Variants in RIC1 observed in about 807,000 individuals in gnomAD.
The protein encoded by RIC1 is guanine nucleotide exchange factor subunit RIC1.
In RIC1, 88 loss-of-function variants were observed where a neutral mutation model predicts 169.0. That is an observed-to-expected ratio of 0.52 (90% confidence interval 0.44 to 0.62). The LOEUF is 0.62. RIC1 is among the 20% of genes least tolerant of loss of function. The probability of loss-of-function intolerance (pLI) is 0.00; values close to 1 mark genes in which losing one functional copy is unlikely to be tolerated. For synonymous variants in RIC1, 790 were observed against 601.5 expected, an observed-to-expected ratio of 1.31 and a Z score of -4.59; for missense variants, 1,877 against 1,725.5, an observed-to-expected ratio of 1.09 and a Z score of -1.56.
chr9:5,729,631 T>C (rs529442608), intron 6 of RIC1, among the ~76,000 whole-genome samples: 2 of 152,330 alleles, frequency 1.3e-5, no homozygotes, highest in South Asian at 4.1e-4. Context: ...TAAATATTTA[T>C]ATTCAGTCAT....
At position 5,753,572 on chromosome 9, in the gene RIC1, G is replaced by C; in HGVS notation, c.1528G>C (p.Val510Leu). 1.9e-6 allele frequency: 3 copies of C among 1,610,718 alleles called. No homozygotes were observed. Among genetic ancestry groups the C allele is most frequent in the Non-Finnish European group, 2.5e-6 (3 of 1,178,782 alleles). Residue 510 changes from valine (V) to leucine (L), a missense_variant, in exon 14 of 26, where the codon GTG becomes CTG. By Grantham distance (32) the Val-to-Leu change is conservative. Around this residue, in one of 3 missense-constraint regions of RIC1, gnomAD observed 1,104 missense variants for 992.0 expected, o/e 1.11. Coordinates refer to ENST00000414202, the MANE Select transcript of RIC1 (RefSeq NM_020829.4). ...AIDKLGQNIA[V>L]VGKFGFAHYS... The stretch of plus-strand genomic sequence containing the variant: ...TGATAAGCTTGGACAGAATATTGCT[G>C]TGGTTGGCAAGTTTGGTTTTGCACA...
chr9:5,629,513 AC>A, intron 1 of RIC1, 60 bp downstream of exon 1: 3 of 1,478,142 alleles, frequency 2.0e-6, no homozygotes, highest in South Asian at 2.6e-5. Flanking sequence ...GCGCCGTCCC[AC>A]CCCCAACTTC....
At chr9:5,705,276 G>T (rs377503084) in intron 3 of RIC1, among the ~76,000 whole-genome samples, 2 of 145,574 alleles carry the variant, frequency 1.4e-5, no homozygotes, top group Non-Finnish European at 3.0e-5. Context: ...AAGTATTATC[G>T]TAACAATATT....
intron 8 of RIC1, among the ~76,000 whole-genome samples, chr9:5,742,460 G>GT (rs1018282443): frequency 1.3e-5 from 2 of 151,886 alleles, no homozygotes; most frequent in African/African-American, 2.4e-5. Context: ...TGCTCCTTAC[G>GT]TTTTTTTAAT....
At chr9:5,732,035 C>T (rs1442613375) in intron 6 of RIC1, among the ~76,000 whole-genome samples, 2 of 152,198 alleles carry the variant, frequency 1.3e-5, no homozygotes, top group Admixed American at 1.3e-4. Flanking sequence ...TTACAGTGAG[C>T]AAGTTAGATG....
chr9:5,654,091 C>T (rs1408258985), intron 1 of RIC1, among the ~76,000 whole-genome samples: 1 of 152,098 alleles, frequency 6.6e-6, no homozygotes, highest in Non-Finnish European at 1.5e-5. Context: ...CCTCTGCCTC[C>T]CAGGCTCGAG....
At chr9:5,758,785 G>T (rs749303447) in intron 17 of RIC1, among the ~76,000 whole-genome samples, 2 of 122,380 alleles carry the variant, frequency 1.6e-5, no homozygotes, top group African/African-American at 6.5e-5. Flanking sequence ...TCACTCTATC[G>T]CCAGGCTGGA....
intron 1 of RIC1, among the ~76,000 whole-genome samples, chr9:5,636,858 T>C (rs1310197703): frequency 6.6e-6 from 1 of 152,218 alleles, no homozygotes; most frequent in Non-Finnish European, 1.5e-5. Context: ...TTTCTCCAGC[T>C]AGATTATAAG....
chr9:5,642,576 C>G lies in RIC1; in HGVS notation c.144+13123C>G, dbSNP rs768543901. 2.1e-5 allele frequency among the ~76,000 whole-genome samples: 3 copies of G among 144,698 alleles called. 1 individual carries two copies. The highest frequency in any genetic ancestry group is 4.5e-5 in the Non-Finnish European group (3 of 67,292). 94.9% of individuals were successfully genotyped at this position (144,698 alleles called of 152,430 possible). On this transcript the variant is annotated intron_variant, in intron 1 of 25. Transcript: ENST00000414202. ...TTAGCAATTTGTTTGATATTCTGTT[C>G]TGTTGTGGCTAAGCAGGCACTCAAA...
rs569646042 is a variant in RIC1, at chr9:5,670,672, T to C, written c.252+13982T>C. Among the ~76,000 whole-genome samples the C allele has an allele frequency of 2.3e-3, 355 of 152,360 alleles. 1 individual carries two copies. Among genetic ancestry groups the C allele is most frequent in the Middle Eastern group, 6.8e-3 (2 of 294 alleles). ...GCCCAGATATATCCATTAAAACTAT[T>C]GTAACTGCCCAACAGTTTCGTTTTG... On this transcript the variant is annotated intron_variant, in intron 2 of 25. Coordinates refer to ENST00000414202, the MANE Select transcript of RIC1 (RefSeq NM_020829.4).
chr9:5,707,174 T>C (rs1259567178), intron 3 of RIC1, among the ~76,000 whole-genome samples: 1 of 152,156 alleles, frequency 6.6e-6, no homozygotes, highest in Non-Finnish European at 1.5e-5. Flanking sequence ...ATTTTGAATT[T>C]CCACATATTT....
At chr9:5,636,963 A>C (rs1818000509) in intron 1 of RIC1, among the ~76,000 whole-genome samples, 1 of 152,200 alleles carries the variant, frequency 6.6e-6, no homozygotes, top group Admixed American at 6.5e-5. Context: ...AATGAATTTA[A>C]GGTATTTGTC....
At chr9:5,667,742 C>T (rs933034637) in intron 2 of RIC1, among the ~76,000 whole-genome samples, 5 of 152,022 alleles carry the variant, frequency 3.3e-5, no homozygotes, top group South Asian at 4.2e-4. Context: ...TAGGCTCAAG[C>T]GATCATCCTG....
rs556135070 is a variant in RIC1, at chr9:5,748,758, G to T, written c.1452+1253G>T. 108 of 152,664 alleles carry T rather than the reference G, an allele frequency of 7.1e-4. 2 individuals are homozygous for T. Among genetic ancestry groups the T allele is most frequent in the African/African-American group, 2.4e-3 (100 of 41,544 alleles). The allele number at this position is 152,664 out of a possible 1,614,324, so 9.5% of individuals were successfully genotyped here. A position where few individuals can be genotyped will look rare whatever the true frequency, so the allele number is the denominator to read the frequency against. ...AATCGATCAGGCAATAACAAAAATT[G>T]AATTTCCTTCCAGCTCAAAAACTCA... On this transcript the variant is annotated intron_variant, in intron 12 of 25. Coordinates refer to ENST00000414202, the MANE Select transcript of RIC1 (RefSeq NM_020829.4).
intron 4 of RIC1, 57 bp downstream of exon 4, chr9:5,714,060 T>C: frequency 9.1e-7 from 1 of 1,100,510 alleles, no homozygotes. Flanking sequence ...ATGTAGTTCG[T>C]AAATCCCATG....
At position 5,722,337 on chromosome 9, in the gene RIC1, A is replaced by AAGAGAG. The variant is rs147623001; in HGVS notation, c.720+1594_720+1599dup. On this transcript the variant is annotated intron_variant, in intron 6 of 25. Transcript: ENST00000414202. ...GAAGGAATGAGCTTGCAAAAACTAT[A>AAGAGAG]AGAGAGAGAGAGTGTGTGTGTGTGT... is the stretch of plus-strand genomic sequence containing the variant. Among the ~76,000 whole-genome samples the AAGAGAG allele has an allele frequency of 2.5e-3, 287 of 115,388 alleles. 1 individual carries two copies. Among genetic ancestry groups the AAGAGAG allele is most frequent in the Admixed American group, 4.0e-3 (46 of 11,538 alleles). 75.7% of individuals were successfully genotyped at this position (115,388 alleles called of 152,430 possible). A position where few individuals can be genotyped will look rare whatever the true frequency, so the allele number is the denominator to read the frequency against.
At chr9:5,760,316 G>C (rs1158345252) in intron 17 of RIC1, among the ~76,000 whole-genome samples, 1 of 152,134 alleles carries the variant, frequency 6.6e-6, no homozygotes, top group Non-Finnish European at 1.5e-5. Flanking sequence ...TATTAAAGTT[G>C]CTTGAGAGTG....
chr9:5,720,082 A>C, intron 4 of RIC1, 100 bp from the exon 5 acceptor site: 1 of 833,408 alleles, frequency 1.2e-6, no homozygotes, highest in Non-Finnish European at 1.9e-6. Context: ...AAATGGTTTC[A>C]TGATCATTTT....
intron 3 of RIC1, among the ~76,000 whole-genome samples, chr9:5,697,711 C>T (rs1273274090): frequency 6.6e-6 from 1 of 152,128 alleles, no homozygotes; most frequent in African/African-American, 2.4e-5. Context: ...CTCTTAGTCC[C>T]AGAATTTACA....
Sources: gnomAD v4.1 joint callset for allele counts (sites outside exome capture counted in the v4.1 genomes callset) on GRCh38, gnomAD v4.1.1 for gene constraint, gnomAD v4.1.1 regional missense constraint, MANE v1.5 for transcripts, NCBI Gene and HGNC (gene_info 2026-07-23, HGNC 2026-07-21) for gene names.